ZNF462: variants seen among roughly 807,000 people sequenced by gnomAD.
ZNF462 encodes the protein zinc finger PBX1-interacting protein.
In ZNF462, 10 loss-of-function variants were observed where a neutral mutation model predicts 201.9. That is an observed-to-expected ratio of 0.05 (90% CI 0.03 to 0.08). ZNF462 has a LOEUF of 0.08. ZNF462 is among the 10% of genes least tolerant of loss of function. ZNF462 has a pLI of 1.00. For missense variants in ZNF462, 2,523 were observed against 3,168.3 expected (o/e 0.80, Z 4.89); for synonymous variants, 1,227 against 1,193.3 (o/e 1.03, Z -0.58).
chr9:106,904,093 T>C (rs1241474762), intron 1 of ZNF462, among the ~76,000 whole-genome samples: 3 of 152,186 alleles, frequency 2.0e-5, no homozygotes, highest in Non-Finnish European at 4.4e-5. Context: ...GATTTAGAGT[T>C]CCTTTTAGCA....
intron 1 of ZNF462, among the ~76,000 whole-genome samples, chr9:106,901,148 A>G (rs1054175064): frequency 3.3e-5 from 5 of 152,090 alleles, no homozygotes; most frequent in African/African-American, 4.8e-5. Flanking sequence ...AATTTCAACA[A>G]ATTTCAACCA....
intron 7 of ZNF462, among the ~76,000 whole-genome samples, chr9:106,951,379 C>T (rs866014888): frequency 5.3e-5 from 8 of 152,108 alleles, no homozygotes; most frequent in Middle Eastern, 3.4e-3. Context: ...AACTTGAGGT[C>T]GGAGAAGTAA....
chr9:106,889,437 G>T (rs1227531822), intron 1 of ZNF462, among the ~76,000 whole-genome samples: 1 of 152,146 alleles, frequency 6.6e-6, no homozygotes, highest in African/African-American at 2.4e-5. Context: ...GGGGAGTCTG[G>T]TTAAAAGGGA....
In ZNF462 at chr9:106,923,657, C is replaced by G; in HGVS notation, c.220+54C>G. On this transcript the variant is annotated intron_variant, in intron 2 of 12. Transcript: ENST00000277225. The surrounding 1 kb of genome is among the most constrained non-coding windows in gnomAD (Gnocchi z 5.6). Reference sequence around the variant, plus strand: ...GATGTATTTTAATTGCTCTTGTTTCCTTTTAGCCTGTAGCCATGGTTCTTA... The same window carrying G: ...GATGTATTTTAATTGCTCTTGTTTCGTTTTAGCCTGTAGCCATGGTTCTTA... The G allele has an allele frequency of 6.4e-7, 1 of 1,569,818 alleles. No individual in the cohort carries two copies. Among genetic ancestry groups the G allele is most frequent in the Non-Finnish European group, 8.8e-7 (1 of 1,141,990 alleles).
In ZNF462 at chr9:106,905,989, T is replaced by C. The variant is rs1564088698; in HGVS notation, c.-30-17365T>C. Among the ~76,000 whole-genome samples, 1 of 152,186 alleles carries C rather than the reference T, an allele frequency of 6.6e-6. No individual in the cohort carries two copies. The highest frequency in any genetic ancestry group is 2.4e-5 in the African/African-American group (1 of 41,454). ...CCTGTGGAGTTTTACCCCCTGCTCC[T>C]CTGGCCACCCTCCCAATGGATCCCT... is the stretch of plus-strand genomic sequence containing the variant. On this transcript the variant is annotated intron_variant, in intron 1 of 12. Coordinates refer to ENST00000277225, the MANE Select transcript of ZNF462 (RefSeq NM_021224.6). This position sits in a 1 kb window ranked among gnomAD's most constrained non-coding sequence, Gnocchi z 5.9.
In ZNF462 at chr9:106,958,315, G is replaced by A. The variant is rs149232385; in HGVS notation, c.6428-13690G>A. Among the ~76,000 whole-genome samples the A allele has an allele frequency of 1.1e-4, 17 of 152,156 alleles. 1 individual carries two copies. The highest frequency in any genetic ancestry group is 3.9e-4 in the East Asian group (2 of 5,168). ...TTAAAGCCCTTCCGTGGCTGTCTACGTTGCCTTCAGAATAAATTCTGAGCT... is the reference window on the plus strand; with the variant it reads ...TTAAAGCCCTTCCGTGGCTGTCTACATTGCCTTCAGAATAAATTCTGAGCT... On this transcript the variant is annotated intron_variant, in intron 7 of 12. Coordinates refer to ENST00000277225, the MANE Select transcript of ZNF462 (RefSeq NM_021224.6).
intron 10 of ZNF462, among the ~76,000 whole-genome samples, chr9:106,994,455 T>C (rs1828536751): frequency 6.6e-6 from 1 of 152,066 alleles, no homozygotes; most frequent in Admixed American, 6.6e-5. Context: ...AAATAAATCA[T>C]AAGAAGAATT....
At chr9:106,878,776 A>G (rs1426321688) in intron 1 of ZNF462, among the ~76,000 whole-genome samples, 1 of 152,236 alleles carries the variant, frequency 6.6e-6, no homozygotes, top group East Asian at 1.9e-4. Context: ...TATATTTACA[A>G]TATAATCTGC....
chr9:106,987,033 A>G (rs887752250), intron 10 of ZNF462, among the ~76,000 whole-genome samples: 10 of 142,038 alleles, frequency 7.0e-5, no homozygotes, highest in African/African-American at 2.6e-4. Flanking sequence ...AGATAGATAG[A>G]TAGATATCAC....
At chr9:106,868,171 T>A (rs1379316683) in intron 1 of ZNF462, among the ~76,000 whole-genome samples, 3 of 152,056 alleles carry the variant, frequency 2.0e-5, no homozygotes, top group African/African-American at 7.3e-5. Flanking sequence ...TAGCTAGGTG[T>A]TGGTGACCTA....
intron 7 of ZNF462, among the ~76,000 whole-genome samples, chr9:106,943,349 T>A (rs1307625433): frequency 6.6e-6 from 1 of 152,170 alleles, no homozygotes; most frequent in Non-Finnish European, 1.5e-5. Flanking sequence ...ACATTTCTCA[T>A]CAAGGAACCA....
intron 1 of ZNF462, among the ~76,000 whole-genome samples, chr9:106,892,942 G>A (rs62568588): frequency 0.016 from 2,452 of 152,220 alleles, 38 homozygotes; most frequent in Non-Finnish European, 0.026. Context: ...TGGATCTCCA[G>A]TTACTGACTT....
intron 7 of ZNF462, among the ~76,000 whole-genome samples, chr9:106,946,963 T>C (rs188279183): frequency 6.6e-6 from 1 of 151,888 alleles, no homozygotes; most frequent in Admixed American, 6.5e-5. Flanking sequence ...ATATTTTTGT[T>C]AACATGTTTT....
chr9:106,896,589 GTGTT>G (rs1359600226), intron 1 of ZNF462, among the ~76,000 whole-genome samples: 1 of 152,182 alleles, frequency 6.6e-6, no homozygotes, highest in African/African-American at 2.4e-5. Context: ...ATGTTTATTT[GTGTT>G]TGGGGGATAG....
intron 7 of ZNF462, among the ~76,000 whole-genome samples, chr9:106,959,654 T>C (rs963703239): frequency 4.6e-5 from 7 of 152,116 alleles, no homozygotes; most frequent in Admixed American, 4.6e-4. Context: ...AGCTGAAAAG[T>C]TGTCTGTTTT....
chr9:106,863,610 G>A (rs896311213), intron 1 of ZNF462, among the ~76,000 whole-genome samples: 1 of 151,738 alleles, frequency 6.6e-6, no homozygotes, highest in East Asian at 1.9e-4. Context: ...GGAAGAGGAG[G>A]AGGAGGAAGA....
intron 9 of ZNF462, among the ~76,000 whole-genome samples, chr9:106,980,415 G>C (rs1827330007): frequency 6.6e-6 from 1 of 152,108 alleles, no homozygotes; most frequent in Non-Finnish European, 1.5e-5. Context: ...ATGTAGACTT[G>C]GCATGTTCTG....
intron 7 of ZNF462, among the ~76,000 whole-genome samples, chr9:106,946,651 G>A (rs890696692): frequency 6.6e-6 from 1 of 152,050 alleles, no homozygotes; most frequent in African/African-American, 2.4e-5. Context: ...GGAAAGATGG[G>A]TATGTAAAAA....
At chr9:106,980,588 G>C (rs1827345524) in intron 9 of ZNF462, among the ~76,000 whole-genome samples, 1 of 152,160 alleles carries the variant, frequency 6.6e-6, no homozygotes, top group African/African-American at 2.4e-5. Context: ...AGGCTTGAAA[G>C]CATGCTATTC....
Sources: allele counts gnomAD v4.1 joint callset (sites outside exome capture counted in the v4.1 genomes callset), GRCh38; gene constraint gnomAD v4.1.1; non-coding constraint Gnocchi (gnomAD v3.1); transcripts MANE v1.5; gene names NCBI Gene and HGNC (gene_info 2026-07-23, HGNC 2026-07-21).